Variants in NUP160 observed in about 807,000 individuals in gnomAD.
NUP160 encodes nucleoporin 160.
NUP160 carries 94 observed loss-of-function variants against 196.9 expected under a neutral mutation model. That is an observed-to-expected ratio of 0.48 (90% confidence interval 0.40 to 0.57). The LOEUF is 0.57. Among genes scored for constraint, NUP160 ranks in the 20% least tolerant of loss-of-function variants. The probability of loss-of-function intolerance (pLI) is 0.00; values close to 1 mark genes in which losing one functional copy is unlikely to be tolerated. For missense variants in NUP160, 1,638 were observed against 1,748.3 expected, an observed-to-expected ratio of 0.94 and a Z score of 1.13; for synonymous variants, 605 against 619.7, an observed-to-expected ratio of 0.98 and a Z score of 0.35.
rs748229219 is a variant in NUP160, at chr11:47,786,434, T to C, written c.3848+19A>G. On this transcript the variant is annotated intron_variant, in intron 32 of 35. Coordinates refer to ENST00000378460, the Ensembl canonical transcript of NUP160. ...TTTAGAAAGGCAAAACTACCCAGGG[T>C]TGAACACCAGGGTTGTACCTAGACT... is the stretch of plus-strand genomic sequence containing the variant. The C allele has an allele frequency of 2.5e-5, 38 of 1,523,878 alleles. No homozygotes were observed. In the African/African-American group the frequency reaches 4.4e-4, roughly 18 times the overall value. The allele number at this position is 1,523,878 out of a possible 1,614,324, so 94.4% of individuals were successfully genotyped here.
At chr11:47,821,991 C>T (rs923737158) in intron 8 of NUP160, 96 bp downstream of exon 8, 13 of 998,516 alleles carry the variant, frequency 1.3e-5, no homozygotes, top group Non-Finnish European at 1.8e-5. Context: ...TGAAATAATT[C>T]CATTTTAAGA....
At chr11:47,795,964 C>A (rs1042799781) in intron 27 of NUP160, among the ~76,000 whole-genome samples, 2 of 151,798 alleles carry the variant, frequency 1.3e-5, no homozygotes, top group African/African-American at 4.8e-5. Flanking sequence ...CCAGCCTGAC[C>A]AACATGGTGA....
At chr11:47,820,223 T>C (rs1412729646) in intron 9 of NUP160, 3 of 152,296 alleles carry the variant, frequency 2.0e-5, no homozygotes, top group Middle Eastern at 3.4e-3. Context: ...AATTTAGCAG[T>C]GGAGGGCTGT....
chr11:47,786,003 C>T (rs1486011498), intron 32 of NUP160, among the ~76,000 whole-genome samples: 2 of 152,082 alleles, frequency 1.3e-5, no homozygotes, highest in Non-Finnish European at 2.9e-5. Flanking sequence ...AGTATACGAA[C>T]CAGAGGAGAT....
At chr11:47,832,284 T>G (rs1337310621) in intron 7 of NUP160, among the ~76,000 whole-genome samples, 2 of 152,050 alleles carry the variant, frequency 1.3e-5, no homozygotes, top group Non-Finnish European at 2.9e-5. Flanking sequence ...GAAATTTAAT[T>G]TATAGTTTAA....
intron 22 of NUP160, 43 bp downstream of exon 22, chr11:47,803,395 G>T: frequency 1.6e-6 from 2 of 1,224,106 alleles, no homozygotes; most frequent in Non-Finnish European, 2.4e-6. Flanking sequence ...ACTTCCTTGC[G>T]TTAAAGTTTA....
intron 3 of NUP160, 127 bp downstream of exon 3, chr11:47,840,251 A>C: frequency 1.1e-6 from 1 of 894,834 alleles, no homozygotes; most frequent in Non-Finnish European, 1.8e-6. Flanking sequence ...TAGCTATCAA[A>C]GTATGCTTGG....
chr11:47,802,923 A>G (rs1347349667), intron 22 of NUP160, among the ~76,000 whole-genome samples: 3 of 152,084 alleles, frequency 2.0e-5, no homozygotes, highest in African/African-American at 4.8e-5. Context: ...AGGTTGAGGC[A>G]GCAGTGAGCT....
rs545433421 is a variant in NUP160, at chr11:47,818,332, T to C, written c.1363-208A>G. Among the ~76,000 whole-genome samples, 4 of 152,154 alleles carry C rather than the reference T, an allele frequency of 2.6e-5. 1 individual carries two copies. Among genetic ancestry groups the C allele is most frequent in the African/African-American group, 9.7e-5 (4 of 41,400 alleles). ...TCAACTAGAGGTACTATACTTAAAA[T>C]GGTGTGTTCCTCACGGAGAGCTTCA... On this transcript the variant is annotated intron_variant, in intron 10 of 35. Transcript: ENST00000378460.
At chr11:47,824,889 G>A (rs1474578471) in intron 7 of NUP160, among the ~76,000 whole-genome samples, 1 of 151,978 alleles carries the variant, frequency 6.6e-6, no homozygotes, top group Non-Finnish European at 1.5e-5. Flanking sequence ...AGGCTGGAGT[G>A]CAGTGGTGTG....
chr11:47,806,347 T>C, intron 19 of NUP160, 35 bp from the exon 20 acceptor site: 2 of 1,512,222 alleles, frequency 1.3e-6, no homozygotes, highest in Non-Finnish European at 1.8e-6. Flanking sequence ...TTTTGTGTAG[T>C]GGTAATTATC....
chr11:47,803,762 A>C (rs1234409244), intron 21 of NUP160, among the ~76,000 whole-genome samples: 1 of 152,178 alleles, frequency 6.6e-6, no homozygotes, highest in Admixed American at 6.5e-5. Context: ...CACATACTTT[A>C]CATCTCAGCA....
chr11:47,815,787 A>G, intron 12 of NUP160, 138 bp from the exon 13 acceptor site: 5 of 893,864 alleles, frequency 5.6e-6, no homozygotes, highest in Non-Finnish European at 8.6e-6. Context: ...GCCATAGACT[A>G]TGCAAATGTG....
intron 7 of NUP160, among the ~76,000 whole-genome samples, chr11:47,832,024 C>A (rs894407899): frequency 1.3e-5 from 2 of 150,960 alleles, no homozygotes; most frequent in Non-Finnish European, 2.9e-5. Flanking sequence ...GCCTCAGCCT[C>A]CTGAGCAGCT....
At position 47,840,035 on chromosome 11, in the gene NUP160, T is replaced by C. The variant is rs117931945; in HGVS notation, c.556A>G (p.Ile186Val). 1.2e-4 allele frequency: 187 copies of C among 1,613,728 alleles called. No individual in the cohort carries two copies. The East Asian group carries it at 3.8e-3, about 33-fold the overall frequency. ...TCAACTTTTCCAATGTCAGTGAATA[T>C]TGACTGCATCTGACTGTCAACTACC... is the stretch of plus-strand genomic sequence containing the variant. Residue 186 changes from isoleucine to valine, a missense_variant, in exon 4 of 36, where the codon ATA (isoleucine) becomes GTA (valine). Coordinates refer to ENST00000378460, the Ensembl canonical transcript of NUP160.
chr11:47,820,609 T>C (rs1411158812), intron 9 of NUP160, among the ~76,000 whole-genome samples: 1 of 152,098 alleles, frequency 6.6e-6, no homozygotes, highest in East Asian at 1.9e-4. Context: ...CTGGAGTGAA[T>C]GGCATGATCT....
chr11:47,829,157 C>T (rs1036952560), intron 7 of NUP160, among the ~76,000 whole-genome samples: 1 of 148,762 alleles, frequency 6.7e-6, no homozygotes, highest in Non-Finnish European at 1.5e-5. Context: ...AGTGAAAAGA[C>T]AGCTCACGTG....
intron 7 of NUP160, among the ~76,000 whole-genome samples, chr11:47,824,052 T>TATATATAC (rs1391609379): frequency 2.6e-4 from 24 of 93,780 alleles, no homozygotes; most frequent in Non-Finnish European, 3.6e-4. Context: ...TATATATATA[T>TATATATAC]ACACACACAC....
chr11:47,824,577 T>C (rs1363607412), intron 7 of NUP160, among the ~76,000 whole-genome samples: 2 of 150,914 alleles, frequency 1.3e-5, no homozygotes, highest in African/African-American at 4.9e-5. Context: ...CCCACTATAC[T>C]CCAGCCTGGG....
Sources: gnomAD v4.1 joint callset for allele counts (sites outside exome capture counted in the v4.1 genomes callset) on GRCh38, gnomAD v4.1.1 for gene constraint, MANE v1.5 for transcripts, NCBI Gene and HGNC (gene_info 2026-07-23, HGNC 2026-07-21) for gene names.